The following GRK5 variants were observed in gnomAD, a reference collection of about 807,000 sequenced individuals.
The protein encoded by GRK5 is G protein-coupled receptor kinase 5.
In GRK5, 40 loss-of-function variants were observed where a neutral mutation model predicts 78.4. The ratio of observed to expected loss-of-function variants is 0.51; its 90% confidence interval spans 0.40 to 0.66. GRK5 has a LOEUF of 0.66. GRK5 is among the 30% of genes least tolerant of loss of function. GRK5 has a pLI of 0.00. For synonymous variants in GRK5, 289 were observed against 296.8 expected, an observed-to-expected ratio of 0.97 and a Z score of 0.27; for missense variants, 598 against 759.9, an observed-to-expected ratio of 0.79 and a Z score of 2.50.
At position 119,448,532 on chromosome 10, in the gene GRK5, CG is replaced by C. The variant is rs1377601581; in HGVS notation, c.1404+273del. ...GGGTCCTGGACAGATTCCTTCTAAGCGTCAGTTTCCTCCCTGTCCAGTGAAA... is the reference window on the plus strand; with the variant it reads ...GGGTCCTGGACAGATTCCTTCTAAGCTCAGTTTCCTCCCTGTCCAGTGAAA... On this transcript the variant is annotated intron_variant, in intron 13 of 15. Coordinates refer to ENST00000392870, the MANE Select transcript of GRK5 (RefSeq NM_005308.3). Among the ~76,000 whole-genome samples, 16 of 152,374 alleles carry C rather than the reference CG, an allele frequency of 1.1e-4. No individual in the cohort carries two copies. In the East Asian group the frequency reaches 2.9e-3, roughly 28 times the overall value.
chr10:119,440,047 C>T (rs1363181450), intron 10 of GRK5, among the ~76,000 whole-genome samples: 7 of 152,170 alleles, frequency 4.6e-5, no homozygotes, highest in African/African-American at 1.7e-4. Context: ...CGGGCGTGGT[C>T]TCTACAGTGC....
chr10:119,248,872 C>T (rs1013912201), intron 1 of GRK5, among the ~76,000 whole-genome samples: 2 of 152,076 alleles, frequency 1.3e-5, no homozygotes, highest in Middle Eastern at 3.2e-3. Flanking sequence ...CCATATGGCC[C>T]ACCTAGAATA....
At chr10:119,297,613 G>T (rs1490891378) in intron 1 of GRK5, among the ~76,000 whole-genome samples, 1 of 152,216 alleles carries the variant, frequency 6.6e-6, no homozygotes, top group Non-Finnish European at 1.5e-5. Context: ...GTCAACTCAG[G>T]AGCGGGTTTG....
intron 1 of GRK5, among the ~76,000 whole-genome samples, chr10:119,244,919 T>G (rs542984275): frequency 3.9e-5 from 6 of 152,086 alleles, no homozygotes; most frequent in Admixed American, 1.3e-4. Context: ...AGTATGGAGG[T>G]TCCTCAAAAA....
At chr10:119,236,295 A>G (rs931164211) in intron 1 of GRK5, among the ~76,000 whole-genome samples, 2 of 151,960 alleles carry the variant, frequency 1.3e-5, no homozygotes, top group African/African-American at 4.8e-5. Context: ...GGCTCACTGC[A>G]AGCTCCGCCT....
At chr10:119,441,113 G>T (rs1853024439) in intron 10 of GRK5, among the ~76,000 whole-genome samples, 1 of 152,234 alleles carries the variant, frequency 6.6e-6, no homozygotes, top group East Asian at 1.9e-4. Context: ...CTGTGGAGGG[G>T]CGGTCGGAGG....
chr10:119,440,447 G>A (rs143172224), intron 10 of GRK5, among the ~76,000 whole-genome samples: 12 of 151,480 alleles, frequency 7.9e-5, no homozygotes, highest in East Asian at 1.9e-4. Context: ...GCGTGATCTC[G>A]GCCTACTGCA....
rs1355384464 is a variant in GRK5 at position 119,394,372 on chromosome 10, GTGT to G, written c.262-2322_262-2320del. Among the ~76,000 whole-genome samples, 165 of 108,414 alleles carry G rather than the reference GTGT, an allele frequency of 1.5e-3. 29 individuals are homozygous for G. Among genetic ancestry groups the G allele is most frequent in the Middle Eastern group, 5.0e-3 (1 of 200 alleles). 71.1% of individuals were successfully genotyped at this position (108,414 alleles called of 152,430 possible). On this transcript the variant is annotated intron_variant, in intron 3 of 15. Coordinates refer to ENST00000392870, the MANE Select transcript of GRK5 (RefSeq NM_005308.3). ...CATGTGGGTGTGTGGGTGTGTGTGG[GTGT>G]CGGTGTGTGTATCTGTGTCTGTGTG...
At chr10:119,286,532 A>G (rs1394370071) in intron 1 of GRK5, among the ~76,000 whole-genome samples, 1 of 152,238 alleles carries the variant, frequency 6.6e-6, no homozygotes, top group Non-Finnish European at 1.5e-5. Flanking sequence ...GCCTTCCTTA[A>G]GCTACCAGGG....
chr10:119,360,267 C>G (rs143293766), intron 2 of GRK5, among the ~76,000 whole-genome samples: 3 of 152,180 alleles, frequency 2.0e-5, no homozygotes, highest in African/African-American at 7.2e-5. Flanking sequence ...AGCCCTGCCC[C>G]AAAGCAGAGC....
intron 2 of GRK5, among the ~76,000 whole-genome samples, chr10:119,370,808 C>A (rs1043011358): frequency 6.6e-6 from 1 of 152,190 alleles, no homozygotes; most frequent in South Asian, 2.1e-4. Context: ...CTCCCCATGT[C>A]CATTTCCTAA....
chr10:119,239,895 T>C (rs145632038), intron 1 of GRK5, among the ~76,000 whole-genome samples: 3,489 of 152,322 alleles, frequency 0.023, 96 homozygotes, highest in Admixed American at 0.068. Flanking sequence ...ATATGTGCCA[T>C]GTTTTCTTTA....
At chr10:119,218,013 C>A (rs1326560653) in intron 1 of GRK5, among the ~76,000 whole-genome samples, 1 of 152,126 alleles carries the variant, frequency 6.6e-6, no homozygotes, top group Non-Finnish European at 1.5e-5. Flanking sequence ...CTCCGGATGA[C>A]CCCTTGCCAT....
chr10:119,292,149 T>TTCC (rs1440765341), intron 1 of GRK5, among the ~76,000 whole-genome samples: 3 of 64,058 alleles, frequency 4.7e-5, no homozygotes, highest in African/African-American at 6.6e-5. Flanking sequence ...TCTCCTCCTC[T>TTCC]TCCTCCTCCT....
At chr10:119,239,375 C>T (rs981508745) in intron 1 of GRK5, among the ~76,000 whole-genome samples, 2 of 152,022 alleles carry the variant, frequency 1.3e-5, no homozygotes, top group Admixed American at 6.6e-5. Context: ...GCTGGGACTA[C>T]AGGCACCTGC....
chr10:119,392,165 A>G (rs887413693), intron 3 of GRK5, among the ~76,000 whole-genome samples: 4 of 152,232 alleles, frequency 2.6e-5, no homozygotes, highest in African/African-American at 9.6e-5. Flanking sequence ...TATTAGGGCT[A>G]TAAACTAAGA....
At chr10:119,221,114 C>A (rs976374244) in intron 1 of GRK5, among the ~76,000 whole-genome samples, 1 of 152,116 alleles carries the variant, frequency 6.6e-6, no homozygotes, top group African/African-American at 2.4e-5. Flanking sequence ...CGAGATCGTG[C>A]CACTGCACTC....
chr10:119,454,667 C>T (rs935611485), intron 15 of GRK5, among the ~76,000 whole-genome samples: 2 of 152,188 alleles, frequency 1.3e-5, no homozygotes, highest in African/African-American at 2.4e-5. Flanking sequence ...GGCCACTCTG[C>T]GAGGGAGGGG....
At chr10:119,249,286 G>GAAAAAAA (rs1483814931) in intron 1 of GRK5, among the ~76,000 whole-genome samples, 18 of 150,694 alleles carry the variant, frequency 1.2e-4, no homozygotes, top group Admixed American at 2.0e-4. Flanking sequence ...AACAAAAAAC[G>GAAAAAAA]AAAAACAAAA....
Sources: gnomAD v4.1 joint callset for allele counts (sites outside exome capture counted in the v4.1 genomes callset) on GRCh38, gnomAD v4.1.1 for gene constraint, MANE v1.5 for transcripts, NCBI Gene and HGNC (gene_info 2026-07-23, HGNC 2026-07-21) for gene names.